Variants in IFT81 observed in about 807,000 individuals in gnomAD.
IFT81 encodes intraflagellar transport protein 81 homolog.
A neutral mutation model predicts 102.6 loss-of-function variants in IFT81; 72 were observed. The observed-to-expected ratio is 0.70, with a 90% CI of 0.58 to 0.85. IFT81 has a LOEUF of 0.85. Among genes scored for constraint, IFT81 ranks in the 40% least tolerant of loss-of-function variants. IFT81 has a pLI of 0.00. For missense variants in IFT81, 723 were observed against 787.3 expected, an observed-to-expected ratio of 0.92 and a Z score of 0.98; for synonymous variants, 237 against 242.7, an observed-to-expected ratio of 0.98 and a Z score of 0.22.
At chr12:110,135,095 G>A (rs1210382522) in intron 6 of IFT81, 82 bp downstream of exon 6, 1 of 1,087,380 alleles carries the variant, frequency 9.2e-7, no homozygotes, top group Non-Finnish European at 1.4e-6. Flanking sequence ...TAAAGATTCA[G>A]CCAAGCATGA....
intron 8 of IFT81, among the ~76,000 whole-genome samples, chr12:110,138,389 TG>T (rs1190320192): frequency 1.3e-5 from 2 of 152,134 alleles, no homozygotes; most frequent in Non-Finnish European, 2.9e-5. Context: ...TTTGTCTTTT[TG>T]CAGAGTAACA....
chr12:110,192,731 A>T (rs1276868298), intron 14 of IFT81, 25 bp downstream of exon 14: 2 of 1,256,066 alleles, frequency 1.6e-6, no homozygotes, highest in Admixed American at 3.9e-5. Flanking sequence ...TTATCAAGTA[A>T]TTTGATTTTA....
intron 10 of IFT81, among the ~76,000 whole-genome samples, chr12:110,158,971 C>G (rs1466241790): frequency 2.0e-5 from 3 of 152,244 alleles, no homozygotes; most frequent in African/African-American, 7.2e-5. Flanking sequence ...ATCCGCCCGC[C>G]TCAGCCTCCC....
chr12:110,147,435 G>C (rs532972753), intron 10 of IFT81, among the ~76,000 whole-genome samples: 1 of 152,238 alleles, frequency 6.6e-6, no homozygotes, highest in South Asian at 2.1e-4. Context: ...TGCAAGTGTA[G>C]AATAAATTAA....
rs1893689814 is a variant in IFT81, at chr12:110,124,392, G to A, written c.-491G>A. Reference sequence around the variant, plus strand: ...AGCTCGACTCTGGGAGCGGTCTAGAGCCCGGGCGCCTCCTGGGGGGTGGGG... The same window carrying A: ...AGCTCGACTCTGGGAGCGGTCTAGAACCCGGGCGCCTCCTGGGGGGTGGGG... On this transcript the variant is annotated 5_prime_UTR_variant, in exon 1 of 19. Transcript: ENST00000242591. The A allele has an allele frequency of 1.3e-5, 2 of 152,262 alleles. No individual in the cohort carries two copies. Among genetic ancestry groups the A allele is most frequent in the African/African-American group, 4.8e-5 (2 of 41,428 alleles). The allele number at this position is 152,262 out of a possible 1,614,324, so 9.4% of individuals were successfully genotyped here.
chr12:110,170,382 G>A (rs548888277), intron 11 of IFT81, among the ~76,000 whole-genome samples: 2 of 152,160 alleles, frequency 1.3e-5, no homozygotes, highest in Non-Finnish European at 2.9e-5. Context: ...CTCTTTTGGC[G>A]TGATTTTTGC....
At chr12:110,146,201 G>T (rs1895218565) in intron 9 of IFT81, among the ~76,000 whole-genome samples, 1 of 152,132 alleles carries the variant, frequency 6.6e-6, no homozygotes, top group Admixed American at 6.6e-5. Flanking sequence ...GAAAACCATG[G>T]TTTTTGTTTT....
At chr12:110,187,391 G>A (rs1285722126) in intron 12 of IFT81, among the ~76,000 whole-genome samples, 1 of 152,092 alleles carries the variant, frequency 6.6e-6, no homozygotes, top group African/African-American at 2.4e-5. Flanking sequence ...AGCCTCCTGA[G>A]TAGCTGGGAC....
At chr12:110,144,143 G>A (rs1182903210) in intron 9 of IFT81, among the ~76,000 whole-genome samples, 5 of 151,090 alleles carry the variant, frequency 3.3e-5, no homozygotes, top group Non-Finnish European at 7.4e-5. Context: ...CTCCCAACTA[G>A]CTGGGATTAC....
At chr12:110,151,577 C>T (rs898250427) in intron 10 of IFT81, among the ~76,000 whole-genome samples, 1 of 151,978 alleles carries the variant, frequency 6.6e-6, no homozygotes, top group Admixed American at 6.6e-5. Context: ...TTATGGTATA[C>T]AACATGATGT....
Position 110,143,452 on chromosome 12 carries a change from AT to A in IFT81, c.854del (p.Leu285Ter). 6.5e-7 allele frequency: 1 copy of A among 1,549,012 alleles called. No individual in the cohort carries two copies. The highest frequency in any genetic ancestry group is 8.7e-7 in the Non-Finnish European group (1 of 1,155,014). ...TGGTAACTGAAAAATTTCCTAAAGA[AT>A]TAGAAAATAAGAAAAAGGAATTACA... ...YMVTEKFPKE[L>X]ENKKKELHFL... is the part of the protein sequence containing the mutation. On this transcript the variant is annotated frameshift_variant, in exon 9 of 19. Coordinates refer to ENST00000242591, the MANE Select transcript of IFT81 (RefSeq NM_014055.4). LOFTEE classifies it high-confidence loss of function.
intron 2 of IFT81, 72 bp downstream of exon 2, chr12:110,127,596 G>A: frequency 7.3e-7 from 1 of 1,370,216 alleles, no homozygotes; most frequent in Non-Finnish European, 9.7e-7. Context: ...TGTGAGTCTT[G>A]GGCACATTAT....
chr12:110,200,436 A>G (rs969841003), intron 14 of IFT81, among the ~76,000 whole-genome samples: 11 of 152,196 alleles, frequency 7.2e-5, no homozygotes, highest in African/African-American at 2.7e-4. Flanking sequence ...AAATTATGGT[A>G]TAAAAGATTT....
intron 10 of IFT81, among the ~76,000 whole-genome samples, chr12:110,149,207 G>A (rs960045880): frequency 6.6e-6 from 1 of 152,136 alleles, no homozygotes; most frequent in African/African-American, 2.4e-5. Flanking sequence ...CTATGAACCT[G>A]GTTTGTTTTA....
At chr12:110,166,886 T>C (rs575244043) in intron 11 of IFT81, among the ~76,000 whole-genome samples, 5 of 152,118 alleles carry the variant, frequency 3.3e-5, no homozygotes, top group Admixed American at 3.3e-4. Context: ...CTTTATTCCT[T>C]GATTGTCGAT....
intron 12 of IFT81, among the ~76,000 whole-genome samples, chr12:110,190,331 C>T (rs577417364): frequency 2.0e-4 from 31 of 152,306 alleles, no homozygotes; most frequent in Admixed American, 7.2e-4. Context: ...CCAGCTTTTG[C>T]ACTTGCTGAT....
At chr12:110,187,895 CCTT>C (rs1897608989) in intron 12 of IFT81, among the ~76,000 whole-genome samples, 1 of 152,082 alleles carries the variant, frequency 6.6e-6, no homozygotes, top group Non-Finnish European at 1.5e-5. Context: ...AGGTTATAGA[CCTT>C]CTAAGGAGTA....
At chr12:110,136,715 C>A in intron 7 of IFT81, 61 bp from the exon 8 acceptor site, 2 of 886,076 alleles carry the variant, frequency 2.3e-6, no homozygotes, top group Non-Finnish European at 1.7e-6. Context: ...TCATTGCTTG[C>A]CTAAGTGAGA....
chr12:110,128,202 C>CCTT, intron 3 of IFT81, 53 bp downstream of exon 3: 1 of 1,053,910 alleles, frequency 9.5e-7, no homozygotes, highest in Non-Finnish European at 1.5e-6. Flanking sequence ...AATATCCAAA[C>CCTT]CTTCATATAC....
Sources: allele counts gnomAD v4.1 joint callset (sites outside exome capture counted in the v4.1 genomes callset), GRCh38; gene constraint gnomAD v4.1.1; transcripts MANE v1.5; gene names NCBI Gene and HGNC (gene_info 2026-07-23, HGNC 2026-07-21).